Variants in SHANK2 observed in about 807,000 individuals in gnomAD.
SHANK2 encodes the protein SH3 and multiple ankyrin repeat domains 2, also known as SH3 and multiple ankyrin repeat domains protein 2.
A neutral mutation model predicts 133.7 loss-of-function variants in SHANK2; 43 were observed. The ratio of observed to expected loss-of-function variants is 0.32; its 90% confidence interval spans 0.25 to 0.41. The LOEUF is 0.41. Ranked by LOEUF, SHANK2 falls within the 10% of genes least tolerant of loss-of-function variation. SHANK2 has a pLI of 1.00. For synonymous variants in SHANK2, 1,017 were observed against 952.8 expected, an observed-to-expected ratio of 1.07 and a Z score of -1.24; for missense variants, 1,994 against 2,235.8, an observed-to-expected ratio of 0.89 and a Z score of 2.18.
At chr11:70,579,881 C>T (rs571029987) in intron 17 of SHANK2, among the ~76,000 whole-genome samples, 13 of 152,252 alleles carry the variant, frequency 8.5e-5, no homozygotes, top group African/African-American at 2.9e-4. Flanking sequence ...TGGAGGGATA[C>T]GCTGTTGGCT....
At chr11:70,894,255 T>C (rs1816372509) in intron 11 of SHANK2, among the ~76,000 whole-genome samples, 1 of 152,144 alleles carries the variant, frequency 6.6e-6, no homozygotes, top group Admixed American at 6.5e-5. Flanking sequence ...TAGTGCAGTC[T>C]CGGCTCACTG....
chr11:70,847,925 G>A lies in SHANK2; in HGVS notation c.1175-27243C>T, dbSNP rs1180155550. Among the ~76,000 whole-genome samples, 7 of 152,336 alleles carry A rather than the reference G, an allele frequency of 4.6e-5. No homozygotes were observed. The East Asian group carries it at 5.8e-4, about 13-fold the overall frequency. On this transcript the variant is annotated intron_variant, in intron 11 of 25. Coordinates refer to ENST00000601538, the MANE Select transcript of SHANK2 (RefSeq NM_012309.5). ...GAGACCACGTCCTCCCAGGCTTCAC[G>A]GCTACAGGAGACCTGGGGAGCCCAG... is the stretch of plus-strand genomic sequence containing the variant.
chr11:70,797,254 T>G (rs78059921), intron 14 of SHANK2, among the ~76,000 whole-genome samples: 1,791 of 152,274 alleles, frequency 0.012, 87 homozygotes, highest in East Asian at 0.078. Flanking sequence ...GTTGGTAACA[T>G]TGTCATCGCC....
In SHANK2 at chr11:70,739,282, CCATCTCCACT is replaced by C. The variant is rs1201699051; in HGVS notation, c.1778-40529_1778-40520del. Among the ~76,000 whole-genome samples, 1 of 152,058 alleles carries C rather than the reference CCATCTCCACT, an allele frequency of 6.6e-6. No individual in the cohort carries two copies. Among genetic ancestry groups the C allele is most frequent in the African/African-American group, 2.4e-5 (1 of 41,388 alleles). On this transcript the variant is annotated intron_variant, in intron 14 of 25. Transcript: ENST00000601538. The surrounding 1 kb of genome is among the most constrained non-coding windows in gnomAD (Gnocchi z 4.3). ...GACCCGGGGCATCTCCCATCTCCACCCATCTCCACTCATCTCCACCCATCTCCACACATCT... is the reference window on the plus strand; with the variant it reads ...GACCCGGGGCATCTCCCATCTCCACCCATCTCCACCCATCTCCACACATCT...
Position 70,807,274 on chromosome 11 carries a change from G to T in SHANK2, c.1494-103C>A. Reference sequence around the variant, plus strand: ...AGCCATTCAACGCATGCTGCGCCTCGGCTGGCCGCATCAGAACTCCTGATG... The same window carrying T: ...AGCCATTCAACGCATGCTGCGCCTCTGCTGGCCGCATCAGAACTCCTGATG... On this transcript the variant is annotated intron_variant, in intron 12 of 25. Coordinates refer to ENST00000601538, the MANE Select transcript of SHANK2 (RefSeq NM_012309.5). This position sits in a 1 kb window ranked among gnomAD's most constrained non-coding sequence, Gnocchi z 4.8. 1.5e-6 allele frequency: 1 copy of T among 669,284 alleles called. No individual in the cohort carries two copies. The allele number at this position is 669,284 out of a possible 1,614,324, so 41.5% of individuals were successfully genotyped here.
intron 6 of SHANK2, among the ~76,000 whole-genome samples, chr11:71,101,434 C>T (rs1951715101): frequency 6.6e-6 from 1 of 152,186 alleles, no homozygotes; most frequent in East Asian, 1.9e-4. Context: ...AAACAGGTCT[C>T]TTTTTATGAG....
At chr11:70,514,213 T>C (rs533347010) in intron 17 of SHANK2, among the ~76,000 whole-genome samples, 13 of 152,332 alleles carry the variant, frequency 8.5e-5, no homozygotes, top group African/African-American at 3.1e-4. Context: ...AAGAACCTCT[T>C]GTAGAAGACG....
intron 17 of SHANK2, among the ~76,000 whole-genome samples, chr11:70,525,541 G>C (rs1243456383): frequency 2.0e-5 from 3 of 152,126 alleles, no homozygotes; most frequent in Admixed American, 6.5e-5. Context: ...AGGGCATTTG[G>C]AAACGAGCTT....
At chr11:70,728,930 C>G (rs547644151) in intron 14 of SHANK2, among the ~76,000 whole-genome samples, 3 of 152,070 alleles carry the variant, frequency 2.0e-5, no homozygotes, top group Non-Finnish European at 4.4e-5. Context: ...AAGGGCCGGG[C>G]GTGGTGGCTC....
intron 14 of SHANK2, among the ~76,000 whole-genome samples, chr11:70,732,268 A>G (rs1315090394): frequency 6.6e-6 from 1 of 152,154 alleles, no homozygotes; most frequent in Non-Finnish European, 1.5e-5. Flanking sequence ...CTCCACAGCC[A>G]ATCAGACAGC....
intron 10 of SHANK2, chr11:70,943,221 G>T: frequency 2.6e-6 from 1 of 384,146 alleles, no homozygotes; most frequent in Non-Finnish European, 5.2e-6. Context: ...GTCTGTGTCT[G>T]GAGGAGATTA....
intron 17 of SHANK2, among the ~76,000 whole-genome samples, chr11:70,583,206 G>T (rs2060206246): frequency 6.6e-6 from 1 of 152,174 alleles, no homozygotes; most frequent in Non-Finnish European, 1.5e-5. Context: ...CTCCAAAGAT[G>T]GGGGATTCCC....
At chr11:71,150,375 G>A (rs2135422150) in intron 2 of SHANK2, among the ~76,000 whole-genome samples, 1 of 103,314 alleles carries the variant, frequency 9.7e-6, no homozygotes, top group African/African-American at 3.8e-5. Context: ...GGAGGGACAA[G>A]GAGGGAGGGA....
chr11:70,848,124 G>A lies in SHANK2; in HGVS notation c.1175-27442C>T, dbSNP rs187769500. 2.6e-3 allele frequency among the ~76,000 whole-genome samples: 396 copies of A among 152,356 alleles called. 3 individuals carry two copies. Among genetic ancestry groups the A allele is most frequent in the Non-Finnish European group, 4.6e-3 (316 of 68,040 alleles). Reference sequence around the variant, plus strand: ...TTTCACAGCCAATGAAACAGAAGACGAAAGGCCCTCTCAGGACAGCCTTCT... The same window carrying A: ...TTTCACAGCCAATGAAACAGAAGACAAAAGGCCCTCTCAGGACAGCCTTCT... On this transcript the variant is annotated intron_variant, in intron 11 of 25. Transcript: ENST00000601538.
intron 11 of SHANK2, among the ~76,000 whole-genome samples, chr11:70,893,996 G>A (rs187989174): frequency 1.6e-4 from 24 of 152,150 alleles, no homozygotes; most frequent in African/African-American, 3.1e-4. Context: ...AAATGTATTC[G>A]CCCAACAAAT....
intron 8 of SHANK2, among the ~76,000 whole-genome samples, chr11:71,077,878 G>T (rs1218127193): frequency 6.6e-6 from 1 of 152,138 alleles, no homozygotes; most frequent in African/African-American, 2.4e-5. Context: ...GCCTTGTGGT[G>T]TTGGCTTGGA....
chr11:71,122,208 G>A (rs568189483), intron 3 of SHANK2, among the ~76,000 whole-genome samples: 1 of 152,310 alleles, frequency 6.6e-6, no homozygotes, highest in African/African-American at 2.4e-5. Flanking sequence ...TATGTTTACT[G>A]CGGCACTATT....
chr11:70,860,385 C>G (rs1350637361), intron 11 of SHANK2, among the ~76,000 whole-genome samples: 1 of 152,192 alleles, frequency 6.6e-6, no homozygotes, highest in East Asian at 1.9e-4. Flanking sequence ...ATTAAGGTGA[C>G]GGGTCTCTTT....
At chr11:71,228,986 GA>G (rs1219302431) in intron 1 of SHANK2, among the ~76,000 whole-genome samples, 2 of 151,816 alleles carry the variant, frequency 1.3e-5, no homozygotes, top group East Asian at 1.9e-4. Flanking sequence ...ATTATCAACA[GA>G]AAAAAAGATC....
Sources: allele counts gnomAD v4.1 joint callset (sites outside exome capture counted in the v4.1 genomes callset), GRCh38; gene constraint gnomAD v4.1.1; non-coding constraint Gnocchi (gnomAD v3.1); transcripts MANE v1.5; gene names NCBI Gene and HGNC (gene_info 2026-07-23, HGNC 2026-07-21).